Variants in SLC16A1 observed in about 807,000 individuals in gnomAD.
The protein encoded by SLC16A1 is monocarboxylate transporter 1.
SLC16A1 carries 11 observed loss-of-function variants against 32.2 expected under a neutral mutation model. The ratio of observed to expected loss-of-function variants is 0.34; its 90% CI spans 0.21 to 0.56. SLC16A1 has a LOEUF of 0.56. Ranked by LOEUF, SLC16A1 falls within the 20% of genes least tolerant of loss-of-function variation. The probability of loss-of-function intolerance (pLI) is 0.87; values close to 1 mark genes in which losing one functional copy is unlikely to be tolerated. For synonymous variants in SLC16A1, 231 were observed against 226.8 expected (o/e 1.02, Z -0.17); for missense variants, 435 against 615.0 (o/e 0.71, Z 3.10).
At chr1:112,949,068 G>C (rs749115849) in intron 1 of SLC16A1, among the ~76,000 whole-genome samples, 11 of 151,984 alleles carry the variant, frequency 7.2e-5, no homozygotes, top group Non-Finnish European at 1.5e-4. Flanking sequence ...GTGTTGGCCA[G>C]GATGGTCTCG....
At chr1:112,943,002 CCAA>C (rs1361818089) in intron 1 of SLC16A1, among the ~76,000 whole-genome samples, 2 of 151,992 alleles carry the variant, frequency 1.3e-5, no homozygotes, top group African/African-American at 4.8e-5. Flanking sequence ...TCAATCTCAG[CCAA>C]CGTTATGTTA....
intron 2 of SLC16A1, among the ~76,000 whole-genome samples, chr1:112,925,272 T>G (rs983603605): frequency 1.1e-4 from 16 of 152,164 alleles, no homozygotes; most frequent in Non-Finnish European, 2.1e-4. Context: ...TAGGCTCAAG[T>G]GATACTGCCA....
At chr1:112,950,631 C>T (rs550664798) in intron 1 of SLC16A1, among the ~76,000 whole-genome samples, 5 of 152,300 alleles carry the variant, frequency 3.3e-5, no homozygotes, top group African/African-American at 1.2e-4. Flanking sequence ...AATGGCTCAG[C>T]CCATGCAGCT....
At chr1:112,954,570 T>C (rs1436170807) in intron 1 of SLC16A1, among the ~76,000 whole-genome samples, 2 of 152,190 alleles carry the variant, frequency 1.3e-5, no homozygotes, top group Non-Finnish European at 2.9e-5. Flanking sequence ...GTGATATGAC[T>C]TTTTTCCTTT....
chr1:112,920,309 T>C (rs1648675195), intron 3 of SLC16A1, among the ~76,000 whole-genome samples: 1 of 151,396 alleles, frequency 6.6e-6, no homozygotes, highest in Non-Finnish European at 1.5e-5. Context: ...CCCGTCTCTA[T>C]TAAAAACACA....
At chr1:112,926,190 G>T (rs1395942304) in intron 2 of SLC16A1, among the ~76,000 whole-genome samples, 1 of 152,160 alleles carries the variant, frequency 6.6e-6, no homozygotes, top group Admixed American at 6.5e-5. Flanking sequence ...TATAGATATA[G>T]ATGTTATGTA....
intron 3 of SLC16A1, among the ~76,000 whole-genome samples, chr1:112,920,973 T>TA (rs920406100): frequency 1.3e-4 from 19 of 149,942 alleles, no homozygotes; most frequent in South Asian, 2.1e-4. Flanking sequence ...CCGTCTCTAC[T>TA]AAAAAAAAAT....
chr1:112,919,451 G>C (rs1449935010), intron 3 of SLC16A1, among the ~76,000 whole-genome samples: 1 of 152,174 alleles, frequency 6.6e-6, no homozygotes, highest in African/African-American at 2.4e-5. Context: ...GGAAATTTTT[G>C]ATGGTGCAGA....
intron 1 of SLC16A1, among the ~76,000 whole-genome samples, chr1:112,940,384 A>T (rs569548035): frequency 1.1e-4 from 16 of 152,206 alleles, no homozygotes; most frequent in African/African-American, 3.6e-4. Context: ...TAAAGACCTC[A>T]ATCGTGAGAG....
intron 1 of SLC16A1, among the ~76,000 whole-genome samples, chr1:112,951,048 G>A (rs1649874314): frequency 6.6e-6 from 1 of 151,600 alleles, no homozygotes; most frequent in Non-Finnish European, 1.5e-5. Flanking sequence ...AATTTAGAAT[G>A]TATAAATTCT....
intron 1 of SLC16A1, among the ~76,000 whole-genome samples, chr1:112,951,525 G>A (rs953697846): frequency 6.6e-6 from 1 of 152,112 alleles, no homozygotes; most frequent in Admixed American, 6.6e-5. Context: ...TGTCCTTGAG[G>A]AACTTACAAT....
chr1:112,949,706 T>A (rs1432242384), intron 1 of SLC16A1, among the ~76,000 whole-genome samples: 1 of 151,986 alleles, frequency 6.6e-6, no homozygotes, highest in East Asian at 1.9e-4. Flanking sequence ...AATTTTATTT[T>A]TTTTTCTTAA....
chr1:112,912,974 A>C lies in SLC16A1; in HGVS notation c.*917T>G, dbSNP rs1000808169. On this transcript the variant is annotated 3_prime_UTR_variant, in exon 5 of 5. Transcript: ENST00000369626. ...TTAACTGAGGTTTTGGAAAAACTTA[A>C]GTGAATTCAGCTGATGTTTGAAATA... 2 of 152,210 alleles carry C rather than the reference A, an allele frequency of 1.3e-5. No individual in the cohort carries two copies. The highest frequency in any genetic ancestry group is 2.9e-5 in the Non-Finnish European group (2 of 68,028). 9.4% of individuals were successfully genotyped at this position (152,210 alleles called of 1,614,324 possible).
At chr1:112,915,165 C>G (rs958398571) in intron 4 of SLC16A1, among the ~76,000 whole-genome samples, 1 of 152,148 alleles carries the variant, frequency 6.6e-6, no homozygotes, top group Non-Finnish European at 1.5e-5. Context: ...AACAGAGGAT[C>G]CACAGTTCAG....
chr1:112,925,013 CACA>C (rs1648890075), intron 2 of SLC16A1, among the ~76,000 whole-genome samples: 1 of 152,092 alleles, frequency 6.6e-6, no homozygotes, highest in South Asian at 2.1e-4. Context: ...TAACAGTCAA[CACA>C]ACGTGGGTGT....
chr1:112,930,263 TC>T (rs2101634544), intron 1 of SLC16A1, among the ~76,000 whole-genome samples: 1 of 152,240 alleles, frequency 6.6e-6, no homozygotes, highest in African/African-American at 2.4e-5. Flanking sequence ...GTAGCTGAAG[TC>T]AAAATTGAAT....
In SLC16A1 at chr1:112,955,448, G is replaced by C. The variant is rs41283086; in HGVS notation, c.-45+587C>G. The C allele has an allele frequency of 8.4e-3, 1,273 of 152,332 alleles. 5 individuals carry two copies. Among genetic ancestry groups the C allele is most frequent in the Non-Finnish European group, 0.013 (858 of 68,034 alleles). The allele number at this position is 152,332 out of a possible 1,614,324, so 9.4% of individuals were successfully genotyped here. ...CTCCCAGGAGTCTGCGGGCTGCCCC[G>C]TCCCCTCCGCAAAGTCTACTCGAAC... is the stretch of plus-strand genomic sequence containing the variant. On this transcript the variant is annotated intron_variant, in intron 1 of 4. Coordinates refer to ENST00000369626, the MANE Select transcript of SLC16A1 (RefSeq NM_003051.4).
At chr1:112,914,245 A>G in intron 4 of SLC16A1, 80 bp from the exon 5 acceptor site, 1 of 1,461,712 alleles carries the variant, frequency 6.8e-7, no homozygotes, top group Non-Finnish European at 9.5e-7. Context: ...TTAAGGATCC[A>G]TTCAGAAAGA....
At chr1:112,920,475 G>A (rs534808849) in intron 3 of SLC16A1, among the ~76,000 whole-genome samples, 7 of 152,048 alleles carry the variant, frequency 4.6e-5, no homozygotes, top group South Asian at 2.1e-4. Flanking sequence ...GTGTGGTAGC[G>A]GGCGCCTGTA....
Sources: allele counts gnomAD v4.1 joint callset (sites outside exome capture counted in the v4.1 genomes callset), GRCh38; gene constraint gnomAD v4.1.1; transcripts MANE v1.5; gene names NCBI Gene and HGNC (gene_info 2026-07-23, HGNC 2026-07-21).